The following ATG4A variants were observed in gnomAD, a reference collection of about 807,000 sequenced individuals.
ATG4A encodes the protein autophagy related 4A cysteine peptidase.
In ATG4A, 22 loss-of-function variants were observed where a neutral mutation model predicts 38.4. The ratio of observed to expected loss-of-function variants is 0.57; its 90% CI spans 0.41 to 0.82. ATG4A has a LOEUF of 0.82. ATG4A is among the 40% of genes least tolerant of loss of function. ATG4A has a pLI of 0.00. For synonymous variants in ATG4A, 86 were observed against 100.7 expected, an observed-to-expected ratio of 0.85 and a Z score of 0.88; for missense variants, 220 against 290.0, an observed-to-expected ratio of 0.76 and a Z score of 1.75.
intron 1 of ATG4A, among the ~76,000 whole-genome samples, chrX:108,118,181 G>T (rs1422386196): frequency 9.0e-6 from 1 of 111,696 alleles, no homozygotes; most frequent in Non-Finnish European, 1.9e-5. Context: ...ATAAACAGTG[G>T]GTATTGCATT....
chrX:108,105,753 C>A (rs1383369920), intron 1 of ATG4A, among the ~76,000 whole-genome samples: 1 of 111,287 alleles, frequency 9.0e-6, no homozygotes, highest in African/African-American at 3.3e-5. Context: ...AAAATAGAAA[C>A]CTCTTCCTGG....
At chrX:108,151,667 C>T (rs2148033639) in intron 10 of ATG4A, 135 bp from the exon 11 acceptor site, 2 of 551,116 alleles carry the variant, frequency 3.6e-6, no homozygotes, top group South Asian at 7.2e-5. Flanking sequence ...GAGAGAGAAG[C>T]CCAGGCAGTC....
rs1413140107 is a variant in ATG4A at position 108,142,088 on chromosome X, A to G, written c.814+3897A>G. ...TCCTAAGTGTACTATATCTCTTATAAGCACTCTCAGAAATGATGCAGCTTG... is the reference window on the plus strand; with the variant it reads ...TCCTAAGTGTACTATATCTCTTATAGGCACTCTCAGAAATGATGCAGCTTG... On this transcript the variant is annotated intron_variant, in intron 9 of 12. Coordinates refer to ENST00000372232, the MANE Select transcript of ATG4A (RefSeq NM_052936.5). Among the ~76,000 whole-genome samples, 5 of 111,732 alleles carry G rather than the reference A, an allele frequency of 4.5e-5. No homozygotes were observed. In the Admixed American group the frequency reaches 4.8e-4, roughly 11 times the overall value.
upstream of ATG4A, among the ~76,000 whole-genome samples, chrX:108,090,000 G>A (rs996678559): frequency 1.6e-4 from 18 of 111,808 alleles, no homozygotes; most frequent in African/African-American, 5.9e-4. Flanking sequence ...AAAATAGAGG[G>A]AATAGAATAG....
chrX:108,108,176 T>TG (rs2032241955), intron 1 of ATG4A, among the ~76,000 whole-genome samples: 1 of 100,149 alleles, frequency 1.0e-5, no homozygotes, highest in Admixed American at 1.1e-4. Flanking sequence ...TTTTTTTTTT[T>TG]TTTGCACCCA....
chrX:108,141,036 A>G (rs1461212949), intron 9 of ATG4A, among the ~76,000 whole-genome samples: 1 of 76,896 alleles, frequency 1.3e-5, no homozygotes, highest in Non-Finnish European at 2.4e-5. Flanking sequence ...ATATACATAT[A>G]TACATATATA....
intron 2 of ATG4A, chrX:108,126,895 G>A: frequency 3.7e-6 from 2 of 537,566 alleles, no homozygotes; most frequent in Non-Finnish European, 5.7e-6. Flanking sequence ...GTCTTTCTGA[G>A]GAGACATCCT....
intron 1 of ATG4A, among the ~76,000 whole-genome samples, chrX:108,123,419 T>C (rs190271300): frequency 1.8e-5 from 2 of 112,511 alleles, no homozygotes; most frequent in East Asian, 2.8e-4. Context: ...AATGATATTT[T>C]ACTTCTGTAC....
At chrX:108,112,620 C>T (rs1257412364) in intron 1 of ATG4A, among the ~76,000 whole-genome samples, 3 of 110,692 alleles carry the variant, frequency 2.7e-5, no homozygotes, top group Non-Finnish European at 5.7e-5. Context: ...TGGTCTTCAT[C>T]TCCTGACCTC....
chrX:108,141,049 C>CGT (rs2033251784), intron 9 of ATG4A, among the ~76,000 whole-genome samples: 2 of 45,082 alleles, frequency 4.4e-5, no homozygotes, highest in Non-Finnish European at 7.9e-5. Flanking sequence ...CATATATATA[C>CGT]ATATATACGT....
intron 9 of ATG4A, among the ~76,000 whole-genome samples, chrX:108,146,516 A>G (rs1602675618): frequency 9.0e-6 from 1 of 111,690 alleles, no homozygotes; most frequent in Non-Finnish European, 1.9e-5. Flanking sequence ...CTCAGGATCC[A>G]ATTATTCCCA....
At chrX:108,112,679 G>A (rs996603995) in intron 1 of ATG4A, among the ~76,000 whole-genome samples, 1 of 111,488 alleles carries the variant, frequency 9.0e-6, no homozygotes, top group Admixed American at 9.5e-5. Context: ...ACAGGCGTGA[G>A]CCACCACGCC....
chrX:108,148,035 AT>A (rs2033471325), intron 9 of ATG4A, among the ~76,000 whole-genome samples: 1 of 2,027 alleles, frequency 4.9e-4, no homozygotes, highest in Admixed American at 5.5e-3. Context: ...ATATATATAT[AT>A]ATATATATAT....
At chrX:108,126,619 G>A (rs1258184583) in intron 2 of ATG4A, among the ~76,000 whole-genome samples, 1 of 111,372 alleles carries the variant, frequency 9.0e-6, no homozygotes, top group African/African-American at 3.3e-5. Flanking sequence ...AGGACTTCTA[G>A]ACAACCCATG....
intron 9 of ATG4A, among the ~76,000 whole-genome samples, chrX:108,141,665 G>A (rs2033298155): frequency 9.0e-6 from 1 of 111,169 alleles, no homozygotes; most frequent in South Asian, 3.9e-4. Context: ...TTGGTTCCTT[G>A]CACTTGGGTA....
intron 10 of ATG4A, among the ~76,000 whole-genome samples, chrX:108,151,441 TTTGGCTTTTGTTTGTTGGCTTAA>T (rs1163889132): frequency 8.9e-6 from 1 of 112,370 alleles, no homozygotes; most frequent in Non-Finnish European, 1.9e-5. Context: ...AAAAGTACCA[TTTGGCTTTTGTTTGTTGGCTTAA>T]TTGAATGTTC....
chrX:108,106,182 C>T (rs140972026), intron 1 of ATG4A, among the ~76,000 whole-genome samples: 313 of 109,909 alleles, frequency 2.8e-3, no homozygotes, highest in Middle Eastern at 9.3e-3. Flanking sequence ...CTTTGACCAA[C>T]GGATTATTTA....
intron 1 of ATG4A, 45 bp from the exon 2 acceptor site, chrX:108,126,032 A>C: frequency 1.1e-6 from 1 of 885,340 alleles, no homozygotes; most frequent in East Asian, 3.2e-5. Context: ...CACAAAGATA[A>C]GCCCCTTCTA....
intron 10 of ATG4A, among the ~76,000 whole-genome samples, chrX:108,151,403 G>T (rs1376286957): frequency 8.9e-6 from 1 of 112,422 alleles, no homozygotes; most frequent in African/African-American, 3.2e-5. Context: ...GAAGGTCAAT[G>T]CCATCTTCTT....
Sources: allele counts gnomAD v4.1 joint callset (sites outside exome capture counted in the v4.1 genomes callset), GRCh38; gene constraint gnomAD v4.1.1; transcripts MANE v1.5; gene names NCBI Gene and HGNC (gene_info 2026-07-23, HGNC 2026-07-21).